The following MAP7 variants were observed in gnomAD, a reference collection of about 807,000 sequenced individuals.
MAP7 encodes the protein ensconsin.
In MAP7, 52 loss-of-function variants were observed where a neutral mutation model predicts 94.8. That is an observed-to-expected ratio of 0.55 (90% confidence interval 0.44 to 0.69). The LOEUF (loss-of-function observed/expected upper bound fraction) is 0.69. MAP7 is among the 30% of genes least tolerant of loss of function. The probability of loss-of-function intolerance (pLI) is 0.00; values close to 1 mark genes in which losing one functional copy is unlikely to be tolerated. For synonymous variants in MAP7, 350 were observed against 357.0 expected (o/e 0.98, Z 0.22); for missense variants, 940 against 964.6 (o/e 0.97, Z 0.34).
intron 2 of MAP7, chr6:136,420,445 A>G: frequency 2.0e-6 from 1 of 496,744 alleles, no homozygotes; most frequent in Non-Finnish European, 3.6e-6. Context: ...TTTTCATGCT[A>G]AAGAATTTCT....
intron 1 of MAP7, among the ~76,000 whole-genome samples, chr6:136,515,543 A>T (rs970485731): frequency 3.3e-5 from 5 of 152,324 alleles, no homozygotes; most frequent in African/African-American, 9.6e-5. Flanking sequence ...TCACTTGAGC[A>T]CTTAGATTAG....
chr6:136,500,088 G>A (rs956350346), intron 1 of MAP7, among the ~76,000 whole-genome samples: 8 of 151,154 alleles, frequency 5.3e-5, no homozygotes, highest in South Asian at 2.1e-4. Context: ...CTAGTTGTGT[G>A]ATTCTGAGCA....
intron 3 of MAP7, among the ~76,000 whole-genome samples, chr6:136,398,999 A>G (rs1045657794): frequency 3.3e-5 from 5 of 152,238 alleles, no homozygotes; most frequent in African/African-American, 1.2e-4. Context: ...AGAAAAGGTG[A>G]CATTCAGAGA....
At chr6:136,539,362 C>G (rs980775808) in intron 1 of MAP7, among the ~76,000 whole-genome samples, 2 of 152,186 alleles carry the variant, frequency 1.3e-5, no homozygotes, top group Admixed American at 1.3e-4. Flanking sequence ...CTCCAGAGAC[C>G]TTGCACAAAA....
intron 1 of MAP7, among the ~76,000 whole-genome samples, chr6:136,492,736 G>C (rs190663217): frequency 1.3e-5 from 2 of 152,094 alleles, no homozygotes; most frequent in East Asian, 3.9e-4. Flanking sequence ...ATGAACCCAA[G>C]AAATTTTCCT....
intron 1 of MAP7, among the ~76,000 whole-genome samples, chr6:136,430,303 T>G (rs2128804494): frequency 6.6e-6 from 1 of 152,362 alleles, no homozygotes; most frequent in Admixed American, 6.5e-5. Context: ...CTAAAATGGC[T>G]AATGCCAGTA....
rs142092563 is a variant in MAP7, at chr6:136,372,368, A to G, written c.876+133T>C. ...GCCCAGCTAGCCAGATTCATGATCA[A>G]TGGGAAAGATGGGATGGTGGATGTC... On this transcript the variant is annotated intron_variant, in intron 8 of 17. Transcript: ENST00000354570. 4.7e-4 allele frequency: 495 copies of G among 1,048,206 alleles called. 5 individuals carry two copies. The East Asian group carries it at 0.012, about 26-fold the overall frequency. The allele number at this position is 1,048,206 out of a possible 1,614,324, so 64.9% of individuals were successfully genotyped here.
chr6:136,405,140 C>T, intron 3 of MAP7, among the ~76,000 whole-genome samples: 1 of 152,302 alleles, frequency 6.6e-6, no homozygotes, highest in Non-Finnish European at 1.5e-5. Flanking sequence ...CTCCACTTAA[C>T]ATTAAACAAA....
intron 16 of MAP7, among the ~76,000 whole-genome samples, chr6:136,348,251 C>A (rs898775419): frequency 1.3e-5 from 2 of 152,198 alleles, no homozygotes; most frequent in African/African-American, 4.8e-5. Context: ...ACCTTCCAGG[C>A]CTGCATGTAC....
chr6:136,377,728 G>C (rs2128622702), intron 7 of MAP7, 27 bp downstream of exon 7: 1 of 1,562,542 alleles, frequency 6.4e-7, no homozygotes, highest in South Asian at 1.1e-5. Flanking sequence ...TGACCTCATG[G>C]GGAAAGTTCC....
At chr6:136,439,217 T>A (rs1797181665) in intron 1 of MAP7, among the ~76,000 whole-genome samples, 2 of 152,150 alleles carry the variant, frequency 1.3e-5, no homozygotes, top group African/African-American at 4.8e-5. Flanking sequence ...GGTGATTAAG[T>A]CATGAGGCTG....
intron 1 of MAP7, among the ~76,000 whole-genome samples, chr6:136,507,653 C>T (rs1352013627): frequency 6.6e-6 from 1 of 152,088 alleles, no homozygotes. Flanking sequence ...ATATTAATAA[C>T]ATTCGTTACC....
chr6:136,389,514 G>C lies in MAP7; in HGVS notation c.248C>G (p.Ala83Gly), dbSNP rs533989934. Residue 83 changes from alanine to glycine, a missense_variant, in exon 4 of 18, where the codon GCA (alanine) becomes GGA (glycine). Physicochemically the swap from Ala to Gly is moderately conservative, Grantham distance 60 (BLOSUM62 0). Transcript: ENST00000354570. ...RREEREKQLAAREIVWLEREE... is the reference protein window; with the variant it reads ...RREEREKQLAGREIVWLEREE... ...TCTTTCTAACCACACTATTTCTCTTGCAGCTTTGGGGAGGGTTAAAAAAAA... is the reference window on the plus strand; with the variant it reads ...TCTTTCTAACCACACTATTTCTCTTCCAGCTTTGGGGAGGGTTAAAAAAAA... The C allele has an allele frequency of 1.2e-5, 19 of 1,602,936 alleles. No homozygotes were observed. The East Asian group carries it at 4.0e-4, about 34-fold the overall frequency.
At chr6:136,413,006 C>CA (rs1396938430) in intron 2 of MAP7, among the ~76,000 whole-genome samples, 1 of 151,992 alleles carries the variant, frequency 6.6e-6, no homozygotes, top group East Asian at 1.9e-4. Flanking sequence ...TAAAAAAATA[C>CA]AAAAAATTAA....
intron 1 of MAP7, among the ~76,000 whole-genome samples, chr6:136,513,410 T>C (rs1823827780): frequency 6.6e-6 from 1 of 152,222 alleles, no homozygotes; most frequent in Admixed American, 6.5e-5. Context: ...ACTTACTTTG[T>C]TCATCCATAA....
rs1791059363 is a variant in MAP7 at position 136,356,704 on chromosome 6, A to G, written c.2003T>C (p.Val668Ala). The change falls in exon 16 of 18, where the codon GTG becomes GCG. Residue 668 changes from valine to alanine, a missense_variant. Coordinates refer to ENST00000354570, the MANE Select transcript of MAP7 (RefSeq NM_003980.6). ...AGTGAAAACTCACCTCTCCACTGTC[A>G]CTTTTGACTGGTGTGAGGTAACCAC... The part of the protein sequence containing the change: ...PHVVTSHQSK[V>A]TVESTPDLEK... 6.2e-7 allele frequency: 1 copy of G among 1,613,912 alleles called. No homozygotes were observed. The highest frequency in any genetic ancestry group is 8.5e-7 in the Non-Finnish European group (1 of 1,179,884).
chr6:136,466,511 G>T (rs1807132184), intron 1 of MAP7, among the ~76,000 whole-genome samples: 1 of 151,888 alleles, frequency 6.6e-6, no homozygotes, highest in South Asian at 2.1e-4. Flanking sequence ...CTATCAAACG[G>T]CTCTAGGACA....
intron 3 of MAP7, among the ~76,000 whole-genome samples, chr6:136,404,395 AG>A (rs1785006860): frequency 6.6e-6 from 1 of 151,328 alleles, no homozygotes; most frequent in African/African-American, 2.4e-5. Context: ...GAAATTATCT[AG>A]GAAAAAAAAA....
intron 6 of MAP7, among the ~76,000 whole-genome samples, chr6:136,381,929 G>GAA (rs1777899754): frequency 8.2e-6 from 1 of 121,692 alleles, no homozygotes; most frequent in South Asian, 3.1e-4. Flanking sequence ...CAGAGAGAGA[G>GAA]AGAGAGAATG....
Sources: allele counts gnomAD v4.1 joint callset (sites outside exome capture counted in the v4.1 genomes callset), GRCh38; gene constraint gnomAD v4.1.1; transcripts MANE v1.5; gene names NCBI Gene and HGNC (gene_info 2026-07-23, HGNC 2026-07-21).